EHD4: variants seen among roughly 807,000 people sequenced by gnomAD.
EHD4 encodes EH domain-containing protein 4.
In EHD4, 37 loss-of-function variants were observed where a neutral mutation model predicts 51.0. The ratio of observed to expected loss-of-function variants is 0.73; its 90% confidence interval spans 0.56 to 0.95. EHD4 has a LOEUF of 0.95. Among genes scored for constraint, EHD4 ranks in the 40% least tolerant of loss-of-function variants. EHD4 has a pLI of 0.00. For synonymous variants in EHD4, 297 were observed against 317.3 expected (o/e 0.94, Z 0.68); for missense variants, 632 against 733.1 (o/e 0.86, Z 1.59).
At chr15:41,919,147 C>T in intron 4 of EHD4, 63 bp downstream of exon 4, 1 of 1,599,406 alleles carries the variant, frequency 6.3e-7, no homozygotes, top group Non-Finnish European at 8.5e-7. Flanking sequence ...CCCATCTTGC[C>T]TCTGGAGAGG....
At chr15:41,948,112 G>T (rs1595542398) in intron 2 of EHD4, among the ~76,000 whole-genome samples, 1 of 152,074 alleles carries the variant, frequency 6.6e-6, no homozygotes, top group Admixed American at 6.5e-5. Flanking sequence ...AAATTAGCCG[G>T]GTGTGGTGGT....
intron 1 of EHD4, among the ~76,000 whole-genome samples, chr15:41,956,514 CAG>C (rs1368379757): frequency 6.6e-6 from 1 of 152,160 alleles, no homozygotes; most frequent in Non-Finnish European, 1.5e-5. Context: ...TTTGAAATAA[CAG>C]GGGTTTCAAG....
chr15:41,938,893 G>C (rs1179340469), intron 3 of EHD4, among the ~76,000 whole-genome samples: 3 of 152,204 alleles, frequency 2.0e-5, no homozygotes, highest in Non-Finnish European at 4.4e-5. Flanking sequence ...CCGGAGGTTT[G>C]TACTAAGTAG....
At chr15:41,906,785 G>T (rs116837716) in intron 5 of EHD4, among the ~76,000 whole-genome samples, 1,575 of 152,372 alleles carry the variant, frequency 0.01, 23 homozygotes, top group South Asian at 0.041. Flanking sequence ...ACCTGGTCTG[G>T]CTGCAGACCA....
chr15:41,969,904 A>G (rs960024183), intron 1 of EHD4, among the ~76,000 whole-genome samples: 4 of 152,134 alleles, frequency 2.6e-5, no homozygotes, highest in Non-Finnish European at 5.9e-5. Flanking sequence ...AGCCAGGGAG[A>G]TAAGAATCTA....
chr15:41,953,057 ACT>A (rs986622187), intron 2 of EHD4, among the ~76,000 whole-genome samples: 2 of 147,186 alleles, frequency 1.4e-5, no homozygotes, highest in African/African-American at 5.0e-5. Context: ...CATGTTTTTC[ACT>A]CTGTTTCCCT....
At chr15:41,944,496 G>A (rs1477091509) in intron 2 of EHD4, among the ~76,000 whole-genome samples, 2 of 152,222 alleles carry the variant, frequency 1.3e-5, no homozygotes, top group South Asian at 2.1e-4. Flanking sequence ...GCAGGACAGG[G>A]AGGCCTGGCC....
chr15:41,907,824 C>CTGTGTGTGTG (rs10522331), intron 5 of EHD4, among the ~76,000 whole-genome samples: 242 of 132,104 alleles, frequency 1.8e-3, no homozygotes, highest in Admixed American at 5.1e-3. Context: ...CGCCCAGGCT[C>CTGTGTGTGTG]TGTGTGTGTG....
At chr15:41,936,637 A>G (rs1392337182) in intron 3 of EHD4, among the ~76,000 whole-genome samples, 1 of 152,180 alleles carries the variant, frequency 6.6e-6, no homozygotes, top group Admixed American at 6.5e-5. Flanking sequence ...TTTTCATCTA[A>G]AAGTCAAGGT....
chr15:41,942,824 C>CCCACTCGTTTACA, intron 3 of EHD4: 1 of 411,066 alleles, frequency 2.4e-6, no homozygotes. Flanking sequence ...CATTGTTTAC[C>CCCACTCGTTTACA]CCACTCCTCA....
chr15:41,935,806 G>A (rs1404808508), intron 3 of EHD4, among the ~76,000 whole-genome samples: 2 of 152,212 alleles, frequency 1.3e-5, no homozygotes, highest in African/African-American at 4.8e-5. Context: ...GGTTGACTGG[G>A]CTCAGTTGGG....
intron 4 of EHD4, among the ~76,000 whole-genome samples, chr15:41,914,526 G>A (rs909202728): frequency 6.6e-6 from 1 of 152,142 alleles, no homozygotes; most frequent in African/African-American, 2.4e-5. Context: ...GTGTAATTCC[G>A]TGCAGCCTTA....
Position 41,943,084 on chromosome 15 carries a change from T to C in EHD4, c.494A>G (p.Lys165Arg). 6.3e-7 allele frequency: 1 copy of C among 1,581,756 alleles called. No individual in the cohort carries two copies. The change falls in exon 3 of 6, where the codon AAG (lysine) becomes AGG (arginine). Residue 165 changes from lysine (K) to arginine (R), a missense_variant. Physicochemically the swap from Lys to Arg is conservative, Grantham distance 26. Transcript: ENST00000220325. ...IDSPGILSGE[K>R]QRISRGYDFC... is the part of the protein sequence containing the mutation. ...GCACTGACCTCGGCTGATGCGCTGC[T>C]TCTCCCCAGAAAGGATGCCGGGGCT... is the stretch of plus-strand genomic sequence containing the variant.
At chr15:41,967,775 T>C (rs1595548331) in intron 1 of EHD4, among the ~76,000 whole-genome samples, 1 of 152,278 alleles carries the variant, frequency 6.6e-6, no homozygotes, top group African/African-American at 2.4e-5. Context: ...CCCTGCTTTT[T>C]TGAAAATGAG....
At chr15:41,954,027 C>T in intron 1 of EHD4, 87 bp from the exon 2 acceptor site, 1 of 1,408,306 alleles carries the variant, frequency 7.1e-7, no homozygotes, top group Non-Finnish European at 9.8e-7. Context: ...AATTTTTTTA[C>T]ATAATCATTT....
intron 1 of EHD4, among the ~76,000 whole-genome samples, chr15:41,960,845 G>A (rs1446990299): frequency 6.6e-6 from 1 of 151,910 alleles, no homozygotes; most frequent in African/African-American, 2.4e-5. Context: ...GCTAATTTTT[G>A]TATTTTTAGT....
At chr15:41,915,111 CAT>C (rs1395910316) in intron 4 of EHD4, among the ~76,000 whole-genome samples, 1 of 149,258 alleles carries the variant, frequency 6.7e-6, no homozygotes, top group Non-Finnish European at 1.5e-5. Flanking sequence ...CACACACACA[CAT>C]CATTGGACAC....
chr15:41,910,644 A>G (rs528079667), intron 4 of EHD4, among the ~76,000 whole-genome samples: 3 of 152,198 alleles, frequency 2.0e-5, no homozygotes, highest in Non-Finnish European at 4.4e-5. Flanking sequence ...ATCTTGGCTC[A>G]CTGCAACCTC....
chr15:41,946,069 C>T (rs367717650), intron 2 of EHD4, among the ~76,000 whole-genome samples: 5 of 152,300 alleles, frequency 3.3e-5, no homozygotes, highest in African/African-American at 1.2e-4. Flanking sequence ...GGGCCCTGGC[C>T]GGCCCAGCTT....
Sources: gnomAD v4.1 joint callset for allele counts (sites outside exome capture counted in the v4.1 genomes callset) on GRCh38, gnomAD v4.1.1 for gene constraint, MANE v1.5 for transcripts, NCBI Gene and HGNC (gene_info 2026-07-23, HGNC 2026-07-21) for gene names.